The following MBD3L1 variants were observed in gnomAD, a reference collection of about 807,000 sequenced individuals.
MBD3L1 encodes methyl-CpG binding domain protein 3 like 1, also known as methyl-CpG-binding domain protein 3-like 1.
For missense variants in MBD3L1, 203 were observed against 230.1 expected, an observed-to-expected ratio of 0.88 and a Z score of 0.76; for synonymous variants, 84 against 85.1, an observed-to-expected ratio of 0.99 and a Z score of 0.07.
At chr19:8,836,719 T>C (rs1312123506) in intron 1 of MBD3L1, among the ~76,000 whole-genome samples, 1 of 152,198 alleles carries the variant, frequency 6.6e-6, no homozygotes, top group Non-Finnish European at 1.5e-5. Flanking sequence ...CTCGAACTCC[T>C]GAGCGCAAGC....
chr19:8,842,696 G>C lies in MBD3L1; in HGVS notation c.18G>C (p.Gln6His). The part of the protein sequence containing the change: MAKSS[Q>H]RKQRDCVNQC... ...GAAGTGTGATGGCCAAGAGTTCACA[G>C]AGGAAGCAACGTGACTGTGTAAACC... The change falls in exon 3 of 3, where the codon CAG (glutamine) becomes CAC (histidine). Residue 6 changes from glutamine (Q) to histidine (H), a missense_variant. Transcript: ENST00000595891. The C allele has an allele frequency of 6.2e-7, 1 of 1,613,870 alleles. No homozygotes were observed. The highest frequency in any genetic ancestry group is 8.5e-7 in the Non-Finnish European group (1 of 1,179,800).
At chr19:8,835,373 G>T (rs375059787) in intron 1 of MBD3L1, among the ~76,000 whole-genome samples, 22 of 152,138 alleles carry the variant, frequency 1.4e-4, no homozygotes, top group African/African-American at 5.1e-4. Context: ...CAAAGAGTTC[G>T]AATCGTCATT....
intron 2 of MBD3L1, 34 bp from the exon 3 acceptor site, chr19:8,842,624 C>T (rs1245692903): frequency 6.8e-7 from 1 of 1,465,704 alleles, no homozygotes; most frequent in African/African-American, 1.4e-5. Flanking sequence ...CTTCATTGAT[C>T]AATTTGACCC....
Position 8,843,234 on chromosome 19 carries a change from G to A in MBD3L1, c.556G>A (p.Asp186Asn), listed in dbSNP as rs2044531326. The change falls in exon 3 of 3, where the codon GAC becomes AAC. Residue 186 changes from aspartate to asparagine, a missense_variant. Asp to Asn is a conservative substitution (Grantham distance 23). Coordinates refer to ENST00000595891, the MANE Select transcript of MBD3L1 (RefSeq NM_001393532.1). ...CGCTAATGAGGCAGAGAAAGTGAGA[G>A]ACCAAGAAGGCCGTCCTGAAAAACG... ...GLANEAEKVR[D>N]QEGRPEKR 6.2e-7 allele frequency: 1 copy of A among 1,600,186 alleles called. No homozygotes were observed. Among genetic ancestry groups the A allele is most frequent in the African/African-American group, 1.3e-5 (1 of 74,364 alleles).
chr19:8,836,283 A>G (rs1330192272), intron 1 of MBD3L1, among the ~76,000 whole-genome samples: 1 of 152,176 alleles, frequency 6.6e-6, no homozygotes, highest in Admixed American at 6.5e-5. Context: ...TTCTTCCTCA[A>G]AATAATAGAA....
chr19:8,834,195 G>A (rs2044427272), intron 1 of MBD3L1, among the ~76,000 whole-genome samples: 1 of 152,206 alleles, frequency 6.6e-6, no homozygotes, highest in South Asian at 2.1e-4. Flanking sequence ...TTTTCAGGTG[G>A]CTGAAGGAAG....
intron 1 of MBD3L1, among the ~76,000 whole-genome samples, chr19:8,833,819 C>G (rs1599306169): frequency 6.6e-6 from 1 of 152,112 alleles, no homozygotes; most frequent in Non-Finnish European, 1.5e-5. Context: ...GAAACCCCGT[C>G]TCTACTAAAA....
At chr19:8,842,318 C>CAAAAAAAAAAAAAA (rs35231202) in intron 2 of MBD3L1, among the ~76,000 whole-genome samples, 1 of 114,222 alleles carries the variant, frequency 8.8e-6, no homozygotes, top group Non-Finnish European at 1.8e-5. Flanking sequence ...CGGAGTGGGA[C>CAAAAAAAAAAAAAA]AAAAAAAAAA....
intron 2 of MBD3L1, among the ~76,000 whole-genome samples, chr19:8,842,004 A>C (rs2969293): frequency 0.91 from 138,040 of 152,228 alleles, 62,578 homozygotes; most frequent in South Asian, 0.94. Flanking sequence ...AATGTGTTAA[A>C]CAGATGAATA....
At chr19:8,835,034 A>G (rs974448876) in intron 1 of MBD3L1, among the ~76,000 whole-genome samples, 5 of 152,058 alleles carry the variant, frequency 3.3e-5, no homozygotes, top group African/African-American at 1.2e-4. Context: ...TACCCAATTA[A>G]AAGTGAACAA....
chr19:8,834,737 T>C (rs2044436456), intron 1 of MBD3L1, among the ~76,000 whole-genome samples: 1 of 150,788 alleles, frequency 6.6e-6, no homozygotes, highest in African/African-American at 2.4e-5. Flanking sequence ...AAATAGATCA[T>C]AGACCTAAAG....
Position 8,842,644 on chromosome 19 carries a change from A to G in MBD3L1, c.-21-14A>G. On this transcript the variant is annotated splice_polypyrimidine_tract_variant and intron_variant, in intron 2 of 2. Transcript: ENST00000595891. ...TTGATCAATTTGACCCCATTTCATG[A>G]TTTATTTTAATAGTGTAAGAGGAAA... is the stretch of plus-strand genomic sequence containing the variant. The G allele has an allele frequency of 6.4e-7, 1 of 1,565,418 alleles. No homozygotes were observed.
chr19:8,842,482 G>T (rs901270432), intron 2 of MBD3L1, 176 bp from the exon 3 acceptor site: 1 of 558,692 alleles, frequency 1.8e-6, no homozygotes, highest in Non-Finnish European at 3.2e-6. Flanking sequence ...AGGAGATTTT[G>T]ACCTTGAACT....
intron 1 of MBD3L1, among the ~76,000 whole-genome samples, chr19:8,836,498 T>C (rs1220253335): frequency 6.6e-6 from 1 of 151,720 alleles, no homozygotes; most frequent in Non-Finnish European, 1.5e-5. Context: ...TCTTCTTTTT[T>C]CTTTTTTTTT....
chr19:8,833,105 A>G (rs914816243), intron 1 of MBD3L1: 2 of 152,570 alleles, frequency 1.3e-5, no homozygotes, highest in Non-Finnish European at 2.9e-5. Flanking sequence ...GGGTATGAAT[A>G]AAAGGGTGTA....
In MBD3L1 at chr19:8,842,644, ATTTAT is replaced by A. The variant is rs751981636; in HGVS notation, c.-21-9_-21-5del. ...TTGATCAATTTGACCCCATTTCATG[ATTTAT>A]TTTAATAGTGTAAGAGGAAAAGAAG... On this transcript the variant is annotated splice_polypyrimidine_tract_variant and intron_variant, in intron 2 of 2. Coordinates refer to ENST00000595891, the MANE Select transcript of MBD3L1 (RefSeq NM_001393532.1). The A allele has an allele frequency of 8.3e-6, 13 of 1,565,300 alleles. No homozygotes were observed. The highest frequency in any genetic ancestry group is 8.7e-7 in the Non-Finnish European group (1 of 1,144,260).
rs556796045 is a variant in MBD3L1, at chr19:8,836,465, C to T, written c.-107+3943C>T. Among the ~76,000 whole-genome samples, 7 of 150,396 alleles carry T rather than the reference C, an allele frequency of 4.7e-5. 2 individuals carry two copies. The Middle Eastern group carries it at 0.024, about 515-fold the overall frequency. ...TTCTTCTCTTCCTTTTCCTCCTCCT[C>T]CCCCCCTCTCCTCCTCCTTCTTTCT... On this transcript the variant is annotated intron_variant, in intron 1 of 2. Transcript: ENST00000595891.
Position 8,842,660 on chromosome 19 carries a change from T to G in MBD3L1, c.-19T>G. 6.2e-7 allele frequency: 1 copy of G among 1,602,294 alleles called. No individual in the cohort carries two copies. The highest frequency in any genetic ancestry group is 1.1e-5 in the South Asian group (1 of 90,144). The stretch of plus-strand genomic sequence containing the variant: ...CATTTCATGATTTATTTTAATAGTG[T>G]AAGAGGAAAAGAAGTGTGATGGCCA... On this transcript the variant is annotated splice_region_variant and 5_prime_UTR_variant, in exon 3 of 3. Coordinates refer to ENST00000595891, the MANE Select transcript of MBD3L1 (RefSeq NM_001393532.1).
chr19:8,842,101 G>T (rs576791660), intron 2 of MBD3L1, among the ~76,000 whole-genome samples: 19 of 152,150 alleles, frequency 1.2e-4, no homozygotes, highest in African/African-American at 3.9e-4. Context: ...GTCGAGGGGG[G>T]GTGGATCACT....
Sources: allele counts gnomAD v4.1 joint callset (sites outside exome capture counted in the v4.1 genomes callset), GRCh38; gene constraint gnomAD v4.1.1; transcripts MANE v1.5; gene names NCBI Gene and HGNC (gene_info 2026-07-23, HGNC 2026-07-21).